NDST4: variants seen among roughly 807,000 people sequenced by gnomAD.
NDST4 encodes N-heparan sulfate sulfotransferase 4.
Under a neutral mutation model 100.8 loss-of-function variants are expected in NDST4, and 63 were observed. The ratio of observed to expected loss-of-function variants is 0.62; its 90% CI spans 0.51 to 0.77. The LOEUF (loss-of-function observed/expected upper bound fraction) is 0.77, where lower values mean the gene tolerates loss of function less well. Among genes scored for constraint, NDST4 ranks in the 30% least tolerant of loss-of-function variants. NDST4 has a pLI of 0.00. For synonymous variants in NDST4, 377 were observed against 361.8 expected, an observed-to-expected ratio of 1.04 and a Z score of -0.48; for missense variants, 943 against 1,018.4, an observed-to-expected ratio of 0.93 and a Z score of 1.01.
chr4:115,064,715 A>T (rs1728896015), intron 2 of NDST4, among the ~76,000 whole-genome samples: 1 of 152,050 alleles, frequency 6.6e-6, no homozygotes, highest in Non-Finnish European at 1.5e-5. Context: ...TGCATGAGAC[A>T]TTTTTCCTCT....
At chr4:115,033,194 C>T (rs1224022877) in intron 2 of NDST4, among the ~76,000 whole-genome samples, 1 of 139,030 alleles carries the variant, frequency 7.2e-6, no homozygotes, top group African/African-American at 2.7e-5. Flanking sequence ...CACTCTTTTG[C>T]CCAGGCTGGA....
At chr4:114,998,415 A>T (rs1348234003) in intron 2 of NDST4, among the ~76,000 whole-genome samples, 1 of 152,088 alleles carries the variant, frequency 6.6e-6, no homozygotes, top group Non-Finnish European at 1.5e-5. Flanking sequence ...AAGTGCAGAG[A>T]TGAGGAGGTC....
chr4:115,085,104 C>A (rs1242610207), intron 1 of NDST4, among the ~76,000 whole-genome samples: 1 of 152,186 alleles, frequency 6.6e-6, no homozygotes, highest in Middle Eastern at 3.2e-3. Context: ...GCATGACCTG[C>A]ATGTGAGACA....
intron 2 of NDST4, among the ~76,000 whole-genome samples, chr4:114,995,104 TTTAAG>T (rs1204559679): frequency 1.3e-5 from 2 of 152,034 alleles, no homozygotes; most frequent in African/African-American, 2.4e-5. Flanking sequence ...CCAAGAAGCA[TTTAAG>T]TTATTATTCT....
At chr4:114,971,483 G>A (rs1266002994) in intron 3 of NDST4, among the ~76,000 whole-genome samples, 1 of 152,052 alleles carries the variant, frequency 6.6e-6, no homozygotes, top group Non-Finnish European at 1.5e-5. Context: ...GTTTTCGTAT[G>A]ATTTTGTACA....
At chr4:115,061,961 A>T (rs1728833844) in intron 2 of NDST4, among the ~76,000 whole-genome samples, 1 of 152,068 alleles carries the variant, frequency 6.6e-6, no homozygotes, top group Admixed American at 6.6e-5. Flanking sequence ...GAAGACATGG[A>T]AAGAATACCA....
In NDST4 at chr4:115,078,942, A is replaced by G. The variant is rs533209633; in HGVS notation, c.-246-1660T>C. ...TGACCTAAAGTCAGAACTGATATTT[A>G]AAGGAGAAGCAGAACTGTGAGGCAA... On this transcript the variant is annotated intron_variant, in intron 1 of 13. Coordinates refer to ENST00000264363, the MANE Select transcript of NDST4 (RefSeq NM_022569.3). Among the ~76,000 whole-genome samples, 4 of 152,272 alleles carry G rather than the reference A, an allele frequency of 2.6e-5. No individual in the cohort carries two copies. The South Asian group carries it at 8.3e-4, about 32-fold the overall frequency.
intron 4 of NDST4, among the ~76,000 whole-genome samples, chr4:114,960,055 A>G (rs1190244274): frequency 6.6e-6 from 1 of 152,256 alleles, no homozygotes; most frequent in Non-Finnish European, 1.5e-5. Flanking sequence ...CTCATCACAT[A>G]GAAGTGAAAC....
chr4:114,977,543 C>A (rs1337762674), intron 2 of NDST4, among the ~76,000 whole-genome samples: 7 of 151,938 alleles, frequency 4.6e-5, no homozygotes, highest in African/African-American at 1.7e-4. Flanking sequence ...GCACTGAAAT[C>A]ATTTTTCATT....
intron 2 of NDST4, among the ~76,000 whole-genome samples, chr4:114,990,530 T>A (rs752378143): frequency 1.1e-4 from 17 of 152,102 alleles, no homozygotes; most frequent in Non-Finnish European, 2.2e-4. Context: ...ATATCTCTTA[T>A]CTTGGGCCAG....
At chr4:114,950,355 T>C (rs914610322) in intron 4 of NDST4, among the ~76,000 whole-genome samples, 2 of 152,076 alleles carry the variant, frequency 1.3e-5, no homozygotes, top group African/African-American at 4.8e-5. Context: ...GTATAGTAGG[T>C]CACCTATAGT....
intron 2 of NDST4, among the ~76,000 whole-genome samples, chr4:115,059,969 C>T (rs1728784249): frequency 6.6e-6 from 1 of 151,932 alleles, no homozygotes; most frequent in Non-Finnish European, 1.5e-5. Flanking sequence ...CTCTGCAACC[C>T]TGTTATTTTT....
At chr4:114,870,732 T>C in intron 7 of NDST4, 36 bp downstream of exon 7, 1 of 1,539,588 alleles carries the variant, frequency 6.5e-7, no homozygotes, top group African/African-American at 1.4e-5. Context: ...TGCTAGTTTC[T>C]TTCCTTCCAC....
chr4:114,827,860 G>T lies in NDST4; in HGVS notation c.2575C>A (p.Pro859Thr), dbSNP rs745606272. ...LSKLLHRLGQPLPSWLRQELQ... is the reference protein window; with the variant it reads ...LSKLLHRLGQTLPSWLRQELQ... ...TCCTGTCTCAGCCACGATGGCAGAG[G>T]CTGTCCCAGTCTGTGTAGCAGTTTG... is the stretch of plus-strand genomic sequence containing the variant. The change falls in exon 14 of 14, where the codon CCT (proline) becomes ACT (threonine). Residue 859 changes from proline to threonine, a missense_variant. Physicochemically the swap from Pro to Thr is conservative, Grantham distance 38. Coordinates refer to ENST00000264363, the MANE Select transcript of NDST4 (RefSeq NM_022569.3). The T allele has an allele frequency of 3.7e-6, 6 of 1,611,980 alleles. No homozygotes were observed. Among genetic ancestry groups the T allele is most frequent in the South Asian group, 1.1e-5 (1 of 90,822 alleles).
At chr4:114,968,775 G>C (rs1442221637) in intron 4 of NDST4, among the ~76,000 whole-genome samples, 1 of 152,120 alleles carries the variant, frequency 6.6e-6, no homozygotes, top group Admixed American at 6.5e-5. Context: ...CTTAGGTCAG[G>C]GATCATAAAC....
chr4:114,945,027 T>C (rs1167475000), intron 4 of NDST4, among the ~76,000 whole-genome samples: 1 of 151,726 alleles, frequency 6.6e-6, no homozygotes, highest in Non-Finnish European at 1.5e-5. Flanking sequence ...CTAACCGACA[T>C]GGAGAAACCC....
intron 7 of NDST4, among the ~76,000 whole-genome samples, chr4:114,860,412 T>C (rs1381991117): frequency 6.6e-6 from 1 of 152,144 alleles, no homozygotes; most frequent in Non-Finnish European, 1.5e-5. Flanking sequence ...CTAGAGAGTA[T>C]ATTTCACACT....
At chr4:114,962,706 G>A (rs1726290817) in intron 4 of NDST4, among the ~76,000 whole-genome samples, 3 of 152,052 alleles carry the variant, frequency 2.0e-5, no homozygotes, top group South Asian at 4.1e-4. Context: ...TGTATCAGAA[G>A]ACTTAATATT....
chr4:114,935,059 A>T (rs1725597623), intron 6 of NDST4, 147 bp downstream of exon 6: 2 of 591,700 alleles, frequency 3.4e-6, no homozygotes, highest in Non-Finnish European at 4.8e-6. Flanking sequence ...TTTATCAAGA[A>T]AAGTATTTTA....
Sources: gnomAD v4.1 joint callset for allele counts (sites outside exome capture counted in the v4.1 genomes callset) on GRCh38, gnomAD v4.1.1 for gene constraint, MANE v1.5 for transcripts, NCBI Gene and HGNC (gene_info 2026-07-23, HGNC 2026-07-21) for gene names.